Variants in COL4A6 observed in about 807,000 individuals in gnomAD.
The protein encoded by COL4A6 is collagen type IV alpha 6 chain.
In COL4A6, 59 loss-of-function variants were observed where a neutral mutation model predicts 126.7. The observed-to-expected ratio is 0.47, with a 90% confidence interval of 0.38 to 0.58. The LOEUF (loss-of-function observed/expected upper bound fraction) is 0.58. Among genes scored for constraint, COL4A6 ranks in the 20% least tolerant of loss-of-function variants. COL4A6 has a pLI of 0.00. For synonymous variants in COL4A6, 547 were observed against 496.6 expected (o/e 1.10, Z -1.35); for missense variants, 1,285 against 1,337.3 (o/e 0.96, Z 0.61).
intron 2 of COL4A6, among the ~76,000 whole-genome samples, chrX:108,398,989 G>T (rs1404648633): frequency 9.0e-6 from 1 of 111,705 alleles, no homozygotes; most frequent in Non-Finnish European, 1.9e-5. Context: ...GCTGTAAGTA[G>T]AAGGCTGTGA....
At chrX:108,189,331 A>G (rs1318195142) in intron 20 of COL4A6, among the ~76,000 whole-genome samples, 1 of 112,215 alleles carries the variant, frequency 8.9e-6, no homozygotes, top group Non-Finnish European at 1.9e-5. Context: ...TGTGATGCTT[A>G]TTTATAAGGC....
chrX:108,377,620 G>A (rs989196311), intron 2 of COL4A6, among the ~76,000 whole-genome samples: 4 of 106,698 alleles, frequency 3.7e-5, no homozygotes, highest in African/African-American at 1.4e-4. Flanking sequence ...TAGTTAAGGG[G>A]AGGAGGAGAA....
At position 108,161,523 on chromosome X, in the gene COL4A6, TAAGTTTCAGACTTG is replaced by T. The variant is rs758933715; in HGVS notation, c.4333+82_4333+95del. On this transcript the variant is annotated intron_variant, in intron 42 of 44. Transcript: ENST00000334504. Reference sequence around the variant, plus strand: ...TGTCAAGCTCTACCACTGGGTTTATTAAGTTTCAGACTTGAAGTTTTACTCACCCCCAGCCTCAA... The same window carrying T: ...TGTCAAGCTCTACCACTGGGTTTATTAAGTTTTACTCACCCCCAGCCTCAA... 18 of 547,751 alleles carry T rather than the reference TAAGTTTCAGACTTG, an allele frequency of 3.3e-5. No individual in the cohort carries two copies. The Admixed American group carries it at 4.5e-4, about 14-fold the overall frequency. The allele number at this position is 547,751 out of a possible 1,213,427, so 45.1% of individuals were successfully genotyped here.
In COL4A6 at chrX:108,188,548, G is replaced by A. The variant is rs191837837; in HGVS notation, c.1556C>T (p.Ser519Phe). 100 of 1,168,240 alleles carry A rather than the reference G, an allele frequency of 8.6e-5. No homozygotes were observed. The African/African-American group carries it at 1.5e-3, about 18-fold the overall frequency. ...CCCTGCTGGGCCCTGTGCACCCCCA[G>A]AGCCTCGATCTCCTCTGGCTCCTTT... is the stretch of plus-strand genomic sequence containing the variant. Reference protein sequence around the residue: ...GLKGARGDRGSGGAQGPAGAP... With the variant: ...GLKGARGDRGFGGAQGPAGAP... The change falls in exon 21 of 45, where the codon TCT becomes TTT. Residue 519 changes from serine (S) to phenylalanine (F), a missense_variant. Coordinates refer to ENST00000334504, the MANE Select transcript of COL4A6 (RefSeq NM_033641.4).
At chrX:108,345,596 C>T (rs1012843942) in intron 2 of COL4A6, among the ~76,000 whole-genome samples, 3 of 111,436 alleles carry the variant, frequency 2.7e-5, no homozygotes, top group African/African-American at 6.5e-5. Flanking sequence ...ATGCAAATTA[C>T]GCGCATTTAA....
chrX:108,186,273 C>T (rs2034856051), intron 23 of COL4A6, among the ~76,000 whole-genome samples: 1 of 111,674 alleles, frequency 9.0e-6, no homozygotes, highest in African/African-American at 3.3e-5. Flanking sequence ...TCTATCCATC[C>T]ATCCAACCAT....
At chrX:108,178,099 T>G (rs1332815492) in intron 27 of COL4A6, among the ~76,000 whole-genome samples, 2 of 112,120 alleles carry the variant, frequency 1.8e-5, no homozygotes, top group Admixed American at 9.4e-5. Context: ...CTTCAGTCAC[T>G]AGGCCAGGAG....
intron 40 of COL4A6, chrX:108,163,710 G>A (rs935909238): frequency 6.2e-5 from 7 of 112,498 alleles, no homozygotes; most frequent in African/African-American, 2.3e-4. Context: ...AGGGACACTG[G>A]GAGGGAGCAG....
chrX:108,248,497 GT>G (rs752388192), intron 3 of COL4A6, among the ~76,000 whole-genome samples: 1 of 110,169 alleles, frequency 9.1e-6, no homozygotes, highest in South Asian at 4.1e-4. Flanking sequence ...AATGATATCT[GT>G]TTTTCAAGGC....
At chrX:108,255,531 C>T (rs1269041262) in intron 3 of COL4A6, among the ~76,000 whole-genome samples, 1 of 110,981 alleles carries the variant, frequency 9.0e-6, no homozygotes, top group Non-Finnish European at 1.9e-5. Flanking sequence ...CATTCAGAGG[C>T]TCATTTTTCC....
chrX:108,270,489 A>T (rs2037418708), intron 3 of COL4A6, among the ~76,000 whole-genome samples: 1 of 112,490 alleles, frequency 8.9e-6, no homozygotes, highest in African/African-American at 3.2e-5. Flanking sequence ...GAACACATGC[A>T]GCAGAGCCAC....
chrX:108,397,027 T>C (rs961265850), intron 2 of COL4A6, among the ~76,000 whole-genome samples: 4 of 111,989 alleles, frequency 3.6e-5, no homozygotes, highest in African/African-American at 1.3e-4. Context: ...ACAACATTAT[T>C]GAGAACAGAA....
chrX:108,416,025 C>G (rs1763606742), intron 2 of COL4A6, among the ~76,000 whole-genome samples: 1 of 112,139 alleles, frequency 8.9e-6, no homozygotes, highest in Non-Finnish European at 1.9e-5. Context: ...TCCACTGTGA[C>G]TTAAGTAAAT....
At chrX:108,223,078 C>A (rs922600905) in intron 3 of COL4A6, among the ~76,000 whole-genome samples, 1 of 111,568 alleles carries the variant, frequency 9.0e-6, no homozygotes, top group Admixed American at 9.5e-5. Context: ...ACATCCTTTG[C>A]AGGGACATGG....
At chrX:108,379,583 T>A in intron 2 of COL4A6, among the ~76,000 whole-genome samples, 1 of 108,362 alleles carries the variant, frequency 9.2e-6, no homozygotes, top group Admixed American at 1.0e-4. Flanking sequence ...TAAACTCTTC[T>A]AAATTAGTCT....
chrX:108,298,315 G>A (rs1035867686), intron 3 of COL4A6, among the ~76,000 whole-genome samples: 29 of 112,933 alleles, frequency 2.6e-4, no homozygotes, highest in African/African-American at 9.3e-4. Flanking sequence ...GCTCAGGGCC[G>A]AAGGCCACTC....
intron 12 of COL4A6, among the ~76,000 whole-genome samples, chrX:108,203,188 A>G (rs1602791244): frequency 9.0e-6 from 1 of 111,610 alleles, no homozygotes; most frequent in Non-Finnish European, 1.9e-5. Flanking sequence ...GCTGTGGGAG[A>G]AGGATTATGG....
chrX:108,175,909 A>G, intron 28 of COL4A6, 112 bp from the exon 29 acceptor site: 1 of 594,694 alleles, frequency 1.7e-6, no homozygotes, highest in South Asian at 3.0e-5. Flanking sequence ...AGTTGCAGAG[A>G]AGGAATTCAA....
chrX:108,191,350 C>T (rs1434597347), intron 19 of COL4A6, 43 bp downstream of exon 19: 13 of 1,191,930 alleles, frequency 1.1e-5, no homozygotes, highest in East Asian at 8.9e-5. Context: ...CAGTCTGGAT[C>T]ACATCTGAAT....
Sources: gnomAD v4.1 joint callset for allele counts (sites outside exome capture counted in the v4.1 genomes callset) on GRCh38, gnomAD v4.1.1 for gene constraint, MANE v1.5 for transcripts, NCBI Gene and HGNC (gene_info 2026-07-23, HGNC 2026-07-21) for gene names.